Variants in USP45 observed in about 807,000 individuals in gnomAD.
USP45 encodes ubiquitin carboxyl-terminal hydrolase 45.
A neutral mutation model predicts 95.8 loss-of-function variants in USP45; 89 were observed. That is an observed-to-expected ratio of 0.93 (90% confidence interval 0.78 to 1.11). USP45 has a LOEUF of 1.11. USP45 is among the 50% of genes least tolerant of loss of function. USP45 has a pLI of 0.00. For synonymous variants in USP45, 281 were observed against 316.2 expected (o/e 0.89, Z 1.18); for missense variants, 898 against 942.5 (o/e 0.95, Z 0.62).
chr6:99,446,471 T>A lies in USP45; in HGVS notation c.1309-8A>T. The A allele has an allele frequency of 1.3e-6, 2 of 1,594,124 alleles. No individual in the cohort carries two copies. Among genetic ancestry groups the A allele is most frequent in the Non-Finnish European group, 1.7e-6 (2 of 1,172,664 alleles). The stretch of plus-strand genomic sequence containing the variant: ...GTCATGAATTAGTTGACTCTGTAAG[T>A]TGACAGTGTTTTCAAAGAAAAGAGT... On this transcript the variant is annotated splice_polypyrimidine_tract_variant and splice_region_variant and intron_variant, in intron 13 of 17. Transcript: ENST00000500704.
chr6:99,476,676 A>G (rs1385059925), intron 8 of USP45, among the ~76,000 whole-genome samples: 2 of 152,196 alleles, frequency 1.3e-5, no homozygotes, highest in Non-Finnish European at 2.9e-5. Context: ...GTTTTCTCCA[A>G]CTTACACATG....
rs1780145556 is a variant in USP45, at chr6:99,434,346, C to G, written c.*1370G>C. The G allele has an allele frequency of 6.6e-6, 1 of 152,066 alleles. No individual in the cohort carries two copies. Among genetic ancestry groups the G allele is most frequent in the Admixed American group, 6.6e-5 (1 of 15,260 alleles). The allele number at this position is 152,066 out of a possible 1,614,324, so 9.4% of individuals were successfully genotyped here. A position where few individuals can be genotyped will look rare whatever the true frequency, so the allele number is the denominator to read the frequency against. The stretch of plus-strand genomic sequence containing the variant: ...CAGCCACTATTCTTATCCTTTCTTC[C>G]CAGGAGGAGAATGAAGTGGGACTAG... On this transcript the variant is annotated 3_prime_UTR_variant, in exon 18 of 18. Coordinates refer to ENST00000500704, the MANE Select transcript of USP45 (RefSeq NM_001346022.3).
upstream of USP45, among the ~76,000 whole-genome samples, chr6:99,516,697 G>C (rs1801136088): frequency 6.6e-6 from 1 of 152,078 alleles, no homozygotes; most frequent in Admixed American, 6.6e-5. Flanking sequence ...AGGTCATGTG[G>C]TGTAATTTTG....
intron 16 of USP45, among the ~76,000 whole-genome samples, chr6:99,439,131 T>A (rs1582938755): frequency 2.6e-5 from 4 of 152,358 alleles, no homozygotes; most frequent in African/African-American, 9.6e-5. Context: ...ATAAGCATTC[T>A]ATTACATACT....
intron 17 of USP45, 123 bp downstream of exon 17, chr6:99,437,118 ATTAAG>A: frequency 1.9e-6 from 2 of 1,026,378 alleles, no homozygotes; most frequent in South Asian, 3.3e-5. Context: ...CAATCAATCA[ATTAAG>A]TTAAAATAAA....
intron 5 of USP45, chr6:99,502,071 T>G (rs1797497758): frequency 1.6e-6 from 2 of 1,250,196 alleles, no homozygotes; most frequent in South Asian, 1.4e-5. Flanking sequence ...GTTAAATCAA[T>G]ATGGCCAATG....
At chr6:99,495,260 GC>G (rs1796060925) in intron 5 of USP45, among the ~76,000 whole-genome samples, 1 of 152,202 alleles carries the variant, frequency 6.6e-6, no homozygotes, top group Non-Finnish European at 1.5e-5. Context: ...CAAAGATACA[GC>G]TTTGTTTATC....
chr6:99,472,485 G>A (rs1309062370), intron 9 of USP45, among the ~76,000 whole-genome samples: 1 of 151,870 alleles, frequency 6.6e-6, no homozygotes, highest in Non-Finnish European at 1.5e-5. Context: ...CAAACTGCTG[G>A]GATTACAGGA....
At chr6:99,502,568 C>A (rs1797619744) in intron 5 of USP45, among the ~76,000 whole-genome samples, 1 of 152,196 alleles carries the variant, frequency 6.6e-6, no homozygotes, top group Non-Finnish European at 1.5e-5. Flanking sequence ...GTCAGAACTA[C>A]ACTGCAATTA....
intron 17 of USP45, among the ~76,000 whole-genome samples, chr6:99,436,577 A>C (rs1780530916): frequency 6.6e-6 from 1 of 152,044 alleles, no homozygotes; most frequent in Non-Finnish European, 1.5e-5. Flanking sequence ...AAAAAAGCAA[A>C]GTTAGTTGGA....
chr6:99,501,913 C>G, intron 5 of USP45: 1 of 1,287,560 alleles, frequency 7.8e-7, no homozygotes, highest in South Asian at 1.3e-5. Flanking sequence ...ATGATGGGTC[C>G]CTCAGGCCAC....
In USP45 at chr6:99,510,142, C is replaced by T. The variant is rs761939815; in HGVS notation, c.79G>A (p.Asp27Asn). 3.1e-6 allele frequency: 5 copies of T among 1,612,860 alleles called. No individual in the cohort carries two copies. Among genetic ancestry groups the T allele is most frequent in the Non-Finnish European group, 3.4e-6 (4 of 1,179,056 alleles). ...SKRPTVPHDE[D>N]SSDDIAVGLT... ...TTACCAGCAATATCATCTGAAGAGT[C>T]TTCATCATGAGGTACAGTAGGCCTT... is the stretch of plus-strand genomic sequence containing the variant. The change falls in exon 2 of 18, where the codon GAC (aspartate) becomes AAC (asparagine). Residue 27 changes from aspartate to asparagine, a missense_variant. Transcript: ENST00000500704.
chr6:99,477,809 G>A (rs944961855), intron 8 of USP45, among the ~76,000 whole-genome samples: 1 of 152,048 alleles, frequency 6.6e-6, no homozygotes, highest in African/African-American at 2.4e-5. Flanking sequence ...TACCTTGATG[G>A]GCTTCCCTAC....
At chr6:99,454,518 G>A (rs1326035796) in intron 13 of USP45, among the ~76,000 whole-genome samples, 1 of 152,122 alleles carries the variant, frequency 6.6e-6, no homozygotes, top group African/African-American at 2.4e-5. Context: ...CCTGTTGAAT[G>A]GGAGAAAATA....
chr6:99,512,026 A>C (rs1018640315), intron 1 of USP45, among the ~76,000 whole-genome samples: 28 of 152,012 alleles, frequency 1.8e-4, no homozygotes, highest in South Asian at 1.2e-3. Flanking sequence ...ATTTTCTAAT[A>C]TCATCTCATA....
At chr6:99,454,088 T>C (rs1784491241) in intron 13 of USP45, among the ~76,000 whole-genome samples, 2 of 152,180 alleles carry the variant, frequency 1.3e-5, no homozygotes, top group African/African-American at 4.8e-5. Flanking sequence ...AAGACTACAG[T>C]AACCAAAACA....
intron 5 of USP45, among the ~76,000 whole-genome samples, chr6:99,489,539 A>G (rs1028054752): frequency 6.6e-6 from 1 of 152,218 alleles, no homozygotes; most frequent in African/African-American, 2.4e-5. Context: ...TCATATTAAA[A>G]GTTTTTTAAA....
chr6:99,464,668 T>C lies in USP45; in HGVS notation c.1244A>G (p.Asn415Ser), dbSNP rs755141914. 10 of 1,613,132 alleles carry C rather than the reference T, an allele frequency of 6.2e-6. No homozygotes were observed. Among genetic ancestry groups the C allele is most frequent in the Middle Eastern group, 1.6e-4 (1 of 6,078 alleles). Residue 415 changes from asparagine to serine, a missense_variant, in exon 13 of 18, where the codon AAT (asparagine) becomes AGT (serine). Asn to Ser is a conservative substitution (Grantham distance 46). Transcript: ENST00000500704. ...TTGATGAATATTTTCTATAGTAACA[T>C]TGCCACTGTATCGATCATGATCTGT... ...RETDHDRYSG[N>S]VTIENIHQPR... is the part of the protein sequence containing the mutation.
chr6:99,499,183 G>A (rs542496169), intron 5 of USP45, among the ~76,000 whole-genome samples: 2 of 152,246 alleles, frequency 1.3e-5, no homozygotes, highest in South Asian at 4.1e-4. Context: ...ACTTCAAAAT[G>A]TGTTTAACAT....
Sources: allele counts gnomAD v4.1 joint callset (sites outside exome capture counted in the v4.1 genomes callset), GRCh38; gene constraint gnomAD v4.1.1; transcripts MANE v1.5; gene names NCBI Gene and HGNC (gene_info 2026-07-23, HGNC 2026-07-21).